Variants in MAST4 observed in about 807,000 individuals in gnomAD.
MAST4 encodes microtubule-associated serine/threonine-protein kinase 4.
In MAST4, 89 loss-of-function variants were observed where a neutral mutation model predicts 162.7. The observed-to-expected ratio is 0.55, with a 90% CI of 0.46 to 0.65. MAST4 has a LOEUF of 0.65. MAST4 is among the 30% of genes least tolerant of loss of function. The pLI, the probability that MAST4 is intolerant of heterozygous loss-of-function variation, is 0.00. For missense variants in MAST4, 3,153 were observed against 3,374.0 expected (o/e 0.93, Z 1.62); for synonymous variants, 1,479 against 1,361.1 (o/e 1.09, Z -1.91).
chr5:66,676,985 A>G (rs1580170580), intron 1 of MAST4, among the ~76,000 whole-genome samples: 1 of 152,214 alleles, frequency 6.6e-6, no homozygotes, highest in East Asian at 1.9e-4. Flanking sequence ...CTCCTTTTTG[A>G]AGGTCATCTG....
chr5:66,755,061 AT>A (rs1753445318), intron 1 of MAST4, among the ~76,000 whole-genome samples: 1 of 152,136 alleles, frequency 6.6e-6, no homozygotes, highest in Non-Finnish European at 1.5e-5. Flanking sequence ...ATCTGGCTTC[AT>A]TTTAGAAGGG....
At chr5:66,991,301 C>A (rs1360366382) in intron 4 of MAST4, among the ~76,000 whole-genome samples, 1 of 152,154 alleles carries the variant, frequency 6.6e-6, no homozygotes, top group African/African-American at 2.4e-5. Flanking sequence ...AGTTCTTTTT[C>A]CTTTCTCCTC....
At chr5:67,124,528 A>T (rs990728709) in intron 14 of MAST4, among the ~76,000 whole-genome samples, 3 of 152,152 alleles carry the variant, frequency 2.0e-5, no homozygotes, top group Non-Finnish European at 4.4e-5. Context: ...AAATTTCAAC[A>T]TGACGAGTAA....
chr5:66,642,624 T>C (rs1745560908), intron 1 of MAST4, among the ~76,000 whole-genome samples: 1 of 152,186 alleles, frequency 6.6e-6, no homozygotes, highest in Non-Finnish European at 1.5e-5. Flanking sequence ...TAATGGAAGC[T>C]GGATTTCTCT....
intron 1 of MAST4, among the ~76,000 whole-genome samples, chr5:66,647,571 T>A (rs13171616): frequency 0.43 from 44,225 of 102,450 alleles, 7,333 homozygotes; most frequent in African/African-American, 0.57. Flanking sequence ...GGAAAAAAAA[T>A]AGAAGTTAAA....
At chr5:66,946,501 T>C (rs1266898104) in intron 4 of MAST4, among the ~76,000 whole-genome samples, 1 of 152,190 alleles carries the variant, frequency 6.6e-6, no homozygotes, top group African/African-American at 2.4e-5. Context: ...ATTCAAAATG[T>C]ATTGCTGACA....
intron 4 of MAST4, among the ~76,000 whole-genome samples, chr5:66,964,483 C>T (rs181886526): frequency 5.3e-5 from 8 of 151,646 alleles, no homozygotes; most frequent in Admixed American, 2.0e-4. Flanking sequence ...GTGTACCCAG[C>T]GTCCCTTTCC....
intron 4 of MAST4, among the ~76,000 whole-genome samples, chr5:66,938,251 T>C (rs1212100564): frequency 2.0e-5 from 3 of 152,274 alleles, no homozygotes; most frequent in African/African-American, 4.8e-5. Flanking sequence ...TTAAGATAAA[T>C]CTAGACTGTT....
chr5:66,675,256 C>T (rs550630477), intron 1 of MAST4, among the ~76,000 whole-genome samples: 168 of 152,292 alleles, frequency 1.1e-3, no homozygotes, highest in African/African-American at 3.8e-3. Context: ...GGAGTTCCCT[C>T]ATCCCCACTA....
chr5:66,665,503 C>G (rs948059064), intron 1 of MAST4, among the ~76,000 whole-genome samples: 2 of 152,204 alleles, frequency 1.3e-5, no homozygotes, highest in Non-Finnish European at 2.9e-5. Flanking sequence ...TTCTTACTAT[C>G]TTTTATTTGC....
intron 3 of MAST4, among the ~76,000 whole-genome samples, chr5:66,851,458 A>G (rs952173915): frequency 2.0e-5 from 3 of 152,244 alleles, no homozygotes; most frequent in Non-Finnish European, 4.4e-5. Context: ...TTTAACACCT[A>G]TGGCAAGAAC....
At chr5:66,909,560 G>A (rs1453623881) in intron 4 of MAST4, among the ~76,000 whole-genome samples, 1 of 152,186 alleles carries the variant, frequency 6.6e-6, no homozygotes, top group Non-Finnish European at 1.5e-5. Context: ...CAGAGAATTT[G>A]AGGCTTGCTT....
At chr5:67,098,167 T>A (rs1764658851) in intron 7 of MAST4, among the ~76,000 whole-genome samples, 1 of 152,212 alleles carries the variant, frequency 6.6e-6, no homozygotes, top group South Asian at 2.1e-4. Flanking sequence ...TTTCAGCTGT[T>A]GTCTGAGTGC....
intron 1 of MAST4, among the ~76,000 whole-genome samples, chr5:66,615,753 G>A (rs76066419): frequency 0.038 from 5,734 of 152,196 alleles, 154 homozygotes; most frequent in South Asian, 0.067. Context: ...GGCTGCAGTG[G>A]GCTGTGATAG....
In MAST4 at chr5:67,164,492, G is replaced by A. The variant is rs1187824684; in HGVS notation, c.5313G>A (p.Lys1771=). The A allele has an allele frequency of 6.2e-7, 1 of 1,614,044 alleles. No homozygotes were observed. Among genetic ancestry groups the A allele is most frequent in the South Asian group, 1.1e-5 (1 of 91,088 alleles). The stretch of plus-strand genomic sequence containing the variant: ...GCCGGGTGGACAGTGGAACGGAGAA[G>A]CCTGGCTTGGTTGCTCCTGAGTCCC... ...LTGRVDSGTE[K]PGLVAPESPV... Residue 1771 remains lysine (K), a synonymous_variant, in exon 29 of 29, where the codon AAG becomes AAA. Coordinates refer to ENST00000403625, the MANE Select transcript of MAST4 (RefSeq NM_001164664.2). The surrounding 1 kb of genome is among the most constrained non-coding windows in gnomAD (Gnocchi z 5.3).
chr5:66,962,237 G>C (rs1355651682), intron 4 of MAST4, among the ~76,000 whole-genome samples: 1 of 152,176 alleles, frequency 6.6e-6, no homozygotes, highest in Admixed American at 6.5e-5. Context: ...ACATGATACA[G>C]TGTAGAGCCA....
At chr5:66,723,996 G>A (rs1751367585) in intron 1 of MAST4, among the ~76,000 whole-genome samples, 1 of 152,164 alleles carries the variant, frequency 6.6e-6, no homozygotes, top group African/African-American at 2.4e-5. Context: ...GGATATTTCT[G>A]GGGATGGTGA....
chr5:66,831,331 A>C (rs1288512012), intron 3 of MAST4, among the ~76,000 whole-genome samples: 2 of 152,216 alleles, frequency 1.3e-5, no homozygotes, highest in Non-Finnish European at 2.9e-5. Context: ...CATTATTTTT[A>C]AAAGCATCTG....
intron 4 of MAST4, among the ~76,000 whole-genome samples, chr5:66,956,282 T>G (rs1470073002): frequency 6.6e-6 from 1 of 152,212 alleles, no homozygotes; most frequent in Non-Finnish European, 1.5e-5. Context: ...AACTTGATAT[T>G]TCGATGTAGA....
Sources: allele counts gnomAD v4.1 joint callset (sites outside exome capture counted in the v4.1 genomes callset), GRCh38; gene constraint gnomAD v4.1.1; non-coding constraint Gnocchi (gnomAD v3.1); transcripts MANE v1.5; gene names NCBI Gene and HGNC (gene_info 2026-07-23, HGNC 2026-07-21).